LSAMP: variants seen among roughly 807,000 people sequenced by gnomAD.
LSAMP encodes the protein limbic system-associated membrane protein.
LSAMP carries 7 observed loss-of-function variants against 38.6 expected under a neutral mutation model. The ratio of observed to expected loss-of-function variants is 0.18; its 90% CI spans 0.10 to 0.34. The LOEUF is 0.34. LSAMP is among the 10% of genes least tolerant of loss of function. The pLI, the probability that LSAMP is intolerant of heterozygous loss-of-function variation, is 1.00. For missense variants in LSAMP, 313 were observed against 420.0 expected (o/e 0.75, Z 2.23); for synonymous variants, 154 against 166.8 (o/e 0.92, Z 0.59).
chr3:116,100,384 T>C (rs914445005), intron 1 of LSAMP, among the ~76,000 whole-genome samples: 2 of 152,186 alleles, frequency 1.3e-5, no homozygotes, highest in South Asian at 4.2e-4. Flanking sequence ...CCAGCCAAAG[T>C]TATTCTTATT....
Position 115,862,027 on chromosome 3 carries a change from A to T in LSAMP, c.515-9410T>A, listed in dbSNP as rs16824148. 8.0e-3 allele frequency among the ~76,000 whole-genome samples: 1,215 copies of T among 152,324 alleles called. 17 individuals carry two copies. Among genetic ancestry groups the T allele is most frequent in the East Asian group, 0.046 (240 of 5,180 alleles). The stretch of plus-strand genomic sequence containing the variant: ...CATATACTTAAAAGAGTCCTTTGGG[A>T]ATAAAATAGAAGTAAAGATTCCTGC... On this transcript the variant is annotated intron_variant, in intron 3 of 6. Transcript: ENST00000490035.
At chr3:116,089,520 C>G (rs1336664776) in intron 1 of LSAMP, among the ~76,000 whole-genome samples, 1 of 151,944 alleles carries the variant, frequency 6.6e-6, no homozygotes, top group Non-Finnish European at 1.5e-5. Flanking sequence ...ACCACGCCCG[C>G]CTAATTTTTT....
At chr3:116,407,771 T>C (rs998795161) in intron 1 of LSAMP, among the ~76,000 whole-genome samples, 3 of 152,042 alleles carry the variant, frequency 2.0e-5, no homozygotes, top group Non-Finnish European at 4.4e-5. Flanking sequence ...TAGAGGCCAG[T>C]GTCTACTAAA....
In LSAMP at chr3:116,408,798, G is replaced by C. The variant is rs115435954; in HGVS notation, c.155+36079C>G. Among the ~76,000 whole-genome samples the C allele has an allele frequency of 8.1e-3, 1,225 of 152,126 alleles. 20 individuals are homozygous for C. Among genetic ancestry groups the C allele is most frequent in the African/African-American group, 0.028 (1,164 of 41,510 alleles). On this transcript the variant is annotated intron_variant, in intron 1 of 6. Coordinates refer to ENST00000490035, the MANE Select transcript of LSAMP (RefSeq NM_002338.5). ...ACATAAGAACTGGAAGTTTGAAAAT[G>C]AGTTGGCTTACTGATTGTCAGATAC...
intron 1 of LSAMP, among the ~76,000 whole-genome samples, chr3:116,264,745 G>A (rs2046871320): frequency 6.6e-6 from 1 of 152,074 alleles, no homozygotes; most frequent in Admixed American, 6.6e-5. Context: ...GGGACTAATG[G>A]TGCATGCTAT....
intron 3 of LSAMP, among the ~76,000 whole-genome samples, chr3:115,881,315 A>G (rs1936317386): frequency 3.9e-5 from 6 of 152,120 alleles, no homozygotes; most frequent in Admixed American, 2.6e-4. Flanking sequence ...TCAAATTGTC[A>G]CACCTGTGCC....
chr3:116,138,423 C>T (rs766134280), intron 1 of LSAMP, among the ~76,000 whole-genome samples: 12 of 152,152 alleles, frequency 7.9e-5, no homozygotes, highest in Non-Finnish European at 1.6e-4. Flanking sequence ...AGTAGAAATA[C>T]AATTTTTATA....
chr3:116,432,576 A>T (rs9814854), intron 1 of LSAMP, among the ~76,000 whole-genome samples: 8,904 of 151,520 alleles, frequency 0.059, 342 homozygotes, highest in South Asian at 0.11. Context: ...GGATTTTTTA[A>T]AAAAATTGTG....
At chr3:116,008,016 C>T (rs1049139145) in intron 3 of LSAMP, among the ~76,000 whole-genome samples, 1 of 152,174 alleles carries the variant, frequency 6.6e-6, no homozygotes, top group East Asian at 1.9e-4. Flanking sequence ...TATCCAGAAA[C>T]TCTGGTTTTA....
At chr3:116,307,339 T>C (rs2047497053) in intron 1 of LSAMP, among the ~76,000 whole-genome samples, 2 of 152,030 alleles carry the variant, frequency 1.3e-5, no homozygotes, top group Admixed American at 1.3e-4. Flanking sequence ...TTTAGGTTAA[T>C]ATTAAAACTA....
intron 1 of LSAMP, among the ~76,000 whole-genome samples, chr3:116,204,729 T>C (rs2046042031): frequency 6.6e-6 from 1 of 151,684 alleles, no homozygotes; most frequent in Admixed American, 6.6e-5. Context: ...CAGCGTTATT[T>C]CTGAGGGCTC....
intron 1 of LSAMP, among the ~76,000 whole-genome samples, chr3:116,303,965 G>T (rs945392273): frequency 6.6e-6 from 1 of 152,060 alleles, no homozygotes; most frequent in African/African-American, 2.4e-5. Context: ...GTGTGATAAG[G>T]GGTCAGAGTA....
chr3:116,000,047 GAAGA>G (rs1939945292), intron 3 of LSAMP, among the ~76,000 whole-genome samples: 1 of 152,146 alleles, frequency 6.6e-6, no homozygotes, highest in Non-Finnish European at 1.5e-5. Flanking sequence ...AGACAACAAA[GAAGA>G]AAGAGAGATT....
rs1404898844 is a variant in LSAMP, at chr3:115,839,270, C to CTTCCTTCT, written c.919+2574_919+2575insAGAAGGAA. Among the ~76,000 whole-genome samples the CTTCCTTCT allele has an allele frequency of 2.4e-3, 225 of 94,810 alleles. 5 individuals are homozygous for CTTCCTTCT. Among genetic ancestry groups the CTTCCTTCT allele is most frequent in the African/African-American group, 9.6e-3 (199 of 20,698 alleles). 62.2% of individuals were successfully genotyped at this position (94,810 alleles called of 152,430 possible). A position where few individuals can be genotyped will look rare whatever the true frequency, so the allele number is the denominator to read the frequency against. ...CCTTCCTTCCTTCTTTCTTTCCTTC[C>CTTCCTTCT]TTCCTTCCTTCCTTCCTTCCTTCCT... On this transcript the variant is annotated intron_variant, in intron 6 of 6. Coordinates refer to ENST00000490035, the MANE Select transcript of LSAMP (RefSeq NM_002338.5).
chr3:116,241,290 C>A (rs144120861), intron 1 of LSAMP, among the ~76,000 whole-genome samples: 1 of 150,360 alleles, frequency 6.7e-6, no homozygotes, highest in Non-Finnish European at 1.5e-5. Flanking sequence ...GTTGGCCGGG[C>A]GCAGTGGCTC....
At chr3:116,061,484 G>C (rs927369110) in intron 2 of LSAMP, among the ~76,000 whole-genome samples, 1 of 152,102 alleles carries the variant, frequency 6.6e-6, no homozygotes, top group South Asian at 2.1e-4. Flanking sequence ...AGGTGGTGGT[G>C]GTGGTAAGCA....
intron 1 of LSAMP, among the ~76,000 whole-genome samples, chr3:116,200,277 G>A (rs952469424): frequency 1.3e-5 from 2 of 152,112 alleles, no homozygotes; most frequent in African/African-American, 4.8e-5. Context: ...TACAGGGAGA[G>A]GAGGAATAAT....
At chr3:115,978,743 A>C (rs74419275) in intron 3 of LSAMP, among the ~76,000 whole-genome samples, 2,075 of 152,244 alleles carry the variant, frequency 0.014, 30 homozygotes, top group African/African-American at 0.035. Context: ...GGGGGAAAAA[A>C]TAGGGCAGGC....
intron 3 of LSAMP, among the ~76,000 whole-genome samples, chr3:115,918,103 T>C (rs1937294274): frequency 1.3e-5 from 2 of 152,202 alleles, no homozygotes; most frequent in African/African-American, 4.8e-5. Flanking sequence ...TCTGGCCCTC[T>C]GATCCTTCAG....
Sources: allele counts gnomAD v4.1 joint callset (sites outside exome capture counted in the v4.1 genomes callset), GRCh38; gene constraint gnomAD v4.1.1; transcripts MANE v1.5; gene names NCBI Gene and HGNC (gene_info 2026-07-23, HGNC 2026-07-21).